TNNI3K: variants seen among roughly 807,000 people sequenced by gnomAD.
The protein encoded by TNNI3K is serine/threonine-protein kinase TNNI3K.
A neutral mutation model predicts 114.5 loss-of-function variants in TNNI3K; 140 were observed. The observed-to-expected ratio is 1.22, with a 90% CI of 1.07 to 1.41. The LOEUF (loss-of-function observed/expected upper bound fraction) is 1.41, where lower values mean the gene tolerates loss of function less well. Among genes scored for constraint, TNNI3K ranks in the 40% most tolerant of loss-of-function variants. The probability of loss-of-function intolerance (pLI) is 0.00; values close to 1 mark genes in which losing one functional copy is unlikely to be tolerated. For missense variants in TNNI3K, 1,125 were observed against 1,007.6 expected (o/e 1.12, Z -1.58); for synonymous variants, 347 against 347.5 (o/e 1.00, Z 0.02).
chr1:74,308,460 C>T (rs1658782555), intron 5 of TNNI3K, among the ~76,000 whole-genome samples: 1 of 151,972 alleles, frequency 6.6e-6, no homozygotes, highest in African/African-American at 2.4e-5. Context: ...TTATTTGAAA[C>T]AATGAAAAGA....
intron 5 of TNNI3K, among the ~76,000 whole-genome samples, chr1:74,296,273 CA>C (rs35316333): frequency 0.021 from 2,503 of 118,900 alleles, 28 homozygotes; most frequent in African/African-American, 0.047. Flanking sequence ...AAGACTCCGT[CA>C]AAAAAAAAAA....
chr1:74,328,549 G>A (rs559622738), intron 5 of TNNI3K, among the ~76,000 whole-genome samples: 16 of 152,106 alleles, frequency 1.1e-4, no homozygotes, highest in Non-Finnish European at 2.2e-4. Flanking sequence ...TGCTCTCAAT[G>A]GTTAAATATT....
intron 5 of TNNI3K, among the ~76,000 whole-genome samples, chr1:74,306,770 G>A (rs1423134947): frequency 6.6e-6 from 1 of 151,906 alleles, no homozygotes; most frequent in Non-Finnish European, 1.5e-5. Flanking sequence ...ATCTTTTGTT[G>A]GATGCATAAT....
intron 17 of TNNI3K, among the ~76,000 whole-genome samples, chr1:74,430,217 G>A (rs17095295): frequency 0.074 from 11,268 of 152,080 alleles, 556 homozygotes; most frequent in African/African-American, 0.14. Flanking sequence ...GTGACAATTA[G>A]TATTGGACTA....
chr1:74,395,719 T>A (rs1664043501), intron 17 of TNNI3K, among the ~76,000 whole-genome samples: 1 of 152,042 alleles, frequency 6.6e-6, no homozygotes, highest in African/African-American at 2.4e-5. Flanking sequence ...GCAGGAAACC[T>A]CCAGTGCGGG....
chr1:74,543,292 TC>T (rs780512137), intron 24 of TNNI3K, among the ~76,000 whole-genome samples: 4 of 152,040 alleles, frequency 2.6e-5, no homozygotes, highest in Non-Finnish European at 5.9e-5. Flanking sequence ...CAGGATGGTC[TC>T]GATCTCCCGA....
intron 10 of TNNI3K, 29 bp from the exon 11 acceptor site, chr1:74,353,951 T>G (rs1661522892): frequency 1.3e-6 from 2 of 1,585,184 alleles, no homozygotes; most frequent in Non-Finnish European, 1.7e-6. Context: ...TTTTTCTCCT[T>G]TTGTTCTTTC....
rs776394859 is a variant in TNNI3K, at chr1:74,249,517, C to CT, written c.209dup (p.Leu71ThrfsTer43). 1.2e-6 allele frequency: 2 copies of CT among 1,613,430 alleles called. No homozygotes were observed. The highest frequency in any genetic ancestry group is 1.7e-6 in the Non-Finnish European group (2 of 1,179,720). On this transcript the variant is annotated frameshift_variant, in exon 3 of 25. Transcript: ENST00000326637. LOFTEE classifies it high-confidence loss of function. ...TTACCGCACTGAAAATGGGCTGTCT[C>CT]TACTTCATTTATGTTGCATTTGTGG...
Position 74,355,404 on chromosome 1 carries a change from G to T in TNNI3K, c.1177+1275G>T, listed in dbSNP as rs111709929. On this transcript the variant is annotated intron_variant, in intron 11 of 24. Coordinates refer to ENST00000326637, the MANE Select transcript of TNNI3K (RefSeq NM_015978.3). The stretch of plus-strand genomic sequence containing the variant: ...GCAGATCACAAGGTCAGGAGTTCAA[G>T]ACCAGCCTGGCCAACATGGTGAAAC... 1.5e-3 allele frequency among the ~76,000 whole-genome samples: 223 copies of T among 152,236 alleles called. 2 individuals carry two copies. Among genetic ancestry groups the T allele is most frequent in the African/African-American group, 5.1e-3 (211 of 41,552 alleles).
At chr1:74,424,103 T>C (rs1392464978) in intron 17 of TNNI3K, among the ~76,000 whole-genome samples, 1 of 152,002 alleles carries the variant, frequency 6.6e-6, no homozygotes, top group Non-Finnish European at 1.5e-5. Flanking sequence ...TGTTAGGACA[T>C]GGTGACATTT....
intron 23 of TNNI3K, among the ~76,000 whole-genome samples, chr1:74,529,843 C>G (rs562286505): frequency 5.3e-5 from 8 of 152,310 alleles, no homozygotes; most frequent in African/African-American, 1.9e-4. Context: ...CTGCTTTGCT[C>G]TCTCCCTGGA....
intron 23 of TNNI3K, among the ~76,000 whole-genome samples, chr1:74,503,597 T>C (rs1669744448): frequency 6.6e-6 from 1 of 152,164 alleles, no homozygotes; most frequent in Non-Finnish European, 1.5e-5. Context: ...TTTTTTAGGA[T>C]AGCTATCATC....
At chr1:74,314,274 A>G (rs1659172721) in intron 5 of TNNI3K, among the ~76,000 whole-genome samples, 1 of 151,734 alleles carries the variant, frequency 6.6e-6, no homozygotes, top group Non-Finnish European at 1.5e-5. Flanking sequence ...GAAGAACTAG[A>G]AAAGAAAATA....
chr1:74,362,895 A>T (rs1662045170), intron 11 of TNNI3K, among the ~76,000 whole-genome samples: 5 of 152,126 alleles, frequency 3.3e-5, no homozygotes, highest in South Asian at 2.1e-4. Context: ...CTGGGAGAAG[A>T]ATCACATTTG....
chr1:74,292,226 C>A (rs1302652522), intron 5 of TNNI3K, among the ~76,000 whole-genome samples: 1 of 150,888 alleles, frequency 6.6e-6, no homozygotes, highest in Non-Finnish European at 1.5e-5. Context: ...ATATGTTTGT[C>A]TTTTTTTTAA....
Position 74,422,090 on chromosome 1 carries a change from C to G in TNNI3K, c.1773-13990C>G, listed in dbSNP as rs140415812. ...TTGAGGAGATAAATATATACTCACT[C>G]ACAGCCTTTAGAGCCATAATGTGCT... On this transcript the variant is annotated intron_variant, in intron 17 of 24. Coordinates refer to ENST00000326637, the MANE Select transcript of TNNI3K (RefSeq NM_015978.3). Among the ~76,000 whole-genome samples the G allele has an allele frequency of 2.6e-3, 388 of 151,762 alleles. 1 individual carries two copies. Among genetic ancestry groups the G allele is most frequent in the African/African-American group, 8.9e-3 (371 of 41,464 alleles).
intron 2 of TNNI3K, among the ~76,000 whole-genome samples, chr1:74,246,838 A>T (rs541841476): frequency 1.8e-4 from 27 of 152,326 alleles, no homozygotes; most frequent in African/African-American, 6.3e-4. Context: ...GCTGTTTTCA[A>T]AGTGGAAAAA....
chr1:74,473,655 T>G (rs1462418534), intron 21 of TNNI3K, among the ~76,000 whole-genome samples: 1 of 151,968 alleles, frequency 6.6e-6, no homozygotes, highest in Non-Finnish European at 1.5e-5. Flanking sequence ...CCCCAAGAGG[T>G]AAACTAAGTT....
intron 19 of TNNI3K, 101 bp downstream of exon 19, chr1:74,436,627 G>C (rs892778296): frequency 1.2e-5 from 15 of 1,256,048 alleles, no homozygotes; most frequent in Non-Finnish European, 1.5e-5. Context: ...TGGAAGAAAT[G>C]TCATTGTCTC....
Sources: gnomAD v4.1 joint callset for allele counts (sites outside exome capture counted in the v4.1 genomes callset) on GRCh38, gnomAD v4.1.1 for gene constraint, MANE v1.5 for transcripts, NCBI Gene and HGNC (gene_info 2026-07-23, HGNC 2026-07-21) for gene names.